The following PCDH9 variants were observed in gnomAD, a reference collection of about 807,000 sequenced individuals.
PCDH9 encodes the protein protocadherin-9.
Under a neutral mutation model 70.6 loss-of-function variants are expected in PCDH9, and 24 were observed. The ratio of observed to expected loss-of-function variants is 0.34; its 90% CI spans 0.25 to 0.48. The LOEUF (loss-of-function observed/expected upper bound fraction) is 0.48, where lower values mean the gene tolerates loss of function less well. PCDH9 is among the 20% of genes least tolerant of loss of function. The probability of loss-of-function intolerance (pLI) is 0.99; values close to 1 mark genes in which losing one functional copy is unlikely to be tolerated. For synonymous variants in PCDH9, 562 were observed against 558.5 expected (o/e 1.01, Z -0.09); for missense variants, 1,281 against 1,503.6 (o/e 0.85, Z 2.45).
intron 4 of PCDH9, among the ~76,000 whole-genome samples, chr13:66,587,663 C>A (rs2076981234): frequency 6.6e-6 from 1 of 151,954 alleles, no homozygotes; most frequent in African/African-American, 2.4e-5. Flanking sequence ...AAATACAGTA[C>A]TCTGTGTGTA....
intron 4 of PCDH9, among the ~76,000 whole-genome samples, chr13:66,526,014 C>G (rs1215523043): frequency 7.2e-5 from 11 of 152,104 alleles, no homozygotes; most frequent in Admixed American, 7.2e-4. Flanking sequence ...GGACATTGAT[C>G]TGATTCCCCC....
At chr13:66,315,348 T>C (rs1955632197) in intron 4 of PCDH9, among the ~76,000 whole-genome samples, 1 of 152,186 alleles carries the variant, frequency 6.6e-6, no homozygotes, top group African/African-American at 2.4e-5. Context: ...AGACAATAAA[T>C]TTGTGTTGCT....
chr13:66,614,026 C>T (rs183166587), intron 4 of PCDH9, among the ~76,000 whole-genome samples: 12 of 149,838 alleles, frequency 8.0e-5, no homozygotes, highest in African/African-American at 2.5e-4. Flanking sequence ...GTAACCACAC[C>T]GTAACTAAGA....
At chr13:66,609,070 A>T (rs1387052261) in intron 4 of PCDH9, among the ~76,000 whole-genome samples, 1 of 152,168 alleles carries the variant, frequency 6.6e-6, no homozygotes, top group Non-Finnish European at 1.5e-5. Flanking sequence ...TTAGAGGATA[A>T]TCATATTGTA....
In PCDH9 at chr13:66,440,067, A is replaced by C. The variant is rs2138398597; in HGVS notation, c.3341-135039T>G. On this transcript the variant is annotated intron_variant, in intron 4 of 4. Coordinates refer to ENST00000377865, the MANE Select transcript of PCDH9 (RefSeq NM_203487.3). ...CATCATATCAAGAGTAAAAACAATA[A>C]AGATCTTTAAACGTGACATAATCAA... is the stretch of plus-strand genomic sequence containing the variant. Among the ~76,000 whole-genome samples the C allele has an allele frequency of 2.0e-5, 3 of 152,286 alleles. No homozygotes were observed. In the East Asian group the frequency reaches 5.8e-4, roughly 29 times the overall value.
intron 4 of PCDH9, among the ~76,000 whole-genome samples, chr13:66,339,574 A>T (rs546685579): frequency 1.3e-5 from 2 of 152,178 alleles, no homozygotes; most frequent in African/African-American, 4.8e-5. Flanking sequence ...CTAGAATATA[A>T]TAAAACATTC....
chr13:67,106,432 G>C (rs1427241459), intron 2 of PCDH9, among the ~76,000 whole-genome samples: 1 of 152,202 alleles, frequency 6.6e-6, no homozygotes, highest in Non-Finnish European at 1.5e-5. Context: ...TGTAGCAAAG[G>C]ATTAAATCAT....
intron 2 of PCDH9, among the ~76,000 whole-genome samples, chr13:67,084,555 G>GT (rs1349094878): frequency 3.9e-5 from 6 of 152,024 alleles, no homozygotes; most frequent in Admixed American, 6.6e-5. Context: ...TAACCATTAA[G>GT]TTGCCTGGAC....
At chr13:67,059,927 G>T (rs1202646047) in intron 2 of PCDH9, among the ~76,000 whole-genome samples, 1 of 143,220 alleles carries the variant, frequency 7.0e-6, no homozygotes, top group Non-Finnish European at 1.5e-5. Flanking sequence ...TTCACTAGAT[G>T]CTCAAAAAGT....
At chr13:66,962,984 T>C (rs981406234) in intron 2 of PCDH9, among the ~76,000 whole-genome samples, 1 of 152,052 alleles carries the variant, frequency 6.6e-6, no homozygotes, top group Admixed American at 6.6e-5. Flanking sequence ...TGCAACTAGA[T>C]GGTCCTATCT....
At chr13:66,703,583 A>G (rs1391817170) in intron 3 of PCDH9, among the ~76,000 whole-genome samples, 1 of 152,088 alleles carries the variant, frequency 6.6e-6, no homozygotes, top group African/African-American at 2.4e-5. Context: ...TTTAATGGAC[A>G]GATAGATTAA....
intron 4 of PCDH9, among the ~76,000 whole-genome samples, chr13:66,619,501 G>T (rs2077397327): frequency 6.6e-6 from 1 of 151,956 alleles, no homozygotes; most frequent in Admixed American, 6.6e-5. Flanking sequence ...ATTCACCATG[G>T]TCATTTTTTA....
rs139607161 is a variant in PCDH9, at chr13:67,136,179, G to A, written c.3036+89226C>T. 1.5e-3 allele frequency among the ~76,000 whole-genome samples: 221 copies of A among 152,146 alleles called. 2 individuals are homozygous for A. The highest frequency in any genetic ancestry group is 5.0e-3 in the African/African-American group (207 of 41,540). ...TAGATACACAAGTACCTACCATTGC[G>A]TTATAATCGCCCATAGAATTCAGTA... On this transcript the variant is annotated intron_variant, in intron 2 of 4. Transcript: ENST00000377865.
chr13:66,481,940 ACG>A (rs1454670995), intron 4 of PCDH9, among the ~76,000 whole-genome samples: 21 of 128,860 alleles, frequency 1.6e-4, no homozygotes, highest in Non-Finnish European at 3.4e-4. Flanking sequence ...ATACACATGC[ACG>A]CACACACACA....
At chr13:66,345,584 T>C (rs1489947231) in intron 4 of PCDH9, among the ~76,000 whole-genome samples, 1 of 152,080 alleles carries the variant, frequency 6.6e-6, no homozygotes, top group African/African-American at 2.4e-5. Flanking sequence ...GATTAATCAG[T>C]TGCCTTTTTA....
Position 66,492,616 on chromosome 13 carries a change from G to T in PCDH9, c.3340+138594C>A, listed in dbSNP as rs76328583. On this transcript the variant is annotated intron_variant, in intron 4 of 4. Coordinates refer to ENST00000377865, the MANE Select transcript of PCDH9 (RefSeq NM_203487.3). ...TGATGCTGGGTTAGTAACAGTGTGA[G>T]CTGTCAGAAAAGATAGATGGCTTTG... Among the ~76,000 whole-genome samples, 293 of 151,958 alleles carry T rather than the reference G, an allele frequency of 1.9e-3. 6 individuals are homozygous for T. The East Asian group carries it at 0.051, about 26-fold the overall frequency.
chr13:67,008,326 C>G (rs1254834634), intron 2 of PCDH9, among the ~76,000 whole-genome samples: 1 of 152,014 alleles, frequency 6.6e-6, no homozygotes, highest in Non-Finnish European at 1.5e-5. Flanking sequence ...CATTTCTTTT[C>G]TATGTAAACA....
At chr13:67,082,133 C>T (rs1344463283) in intron 2 of PCDH9, among the ~76,000 whole-genome samples, 2 of 152,098 alleles carry the variant, frequency 1.3e-5, no homozygotes, top group Non-Finnish European at 2.9e-5. Flanking sequence ...ACCATCTTAG[C>T]AAATTTTTAA....
At chr13:66,338,859 T>C (rs775468967) in intron 4 of PCDH9, among the ~76,000 whole-genome samples, 3 of 142,346 alleles carry the variant, frequency 2.1e-5, no homozygotes, top group Non-Finnish European at 4.6e-5. Flanking sequence ...TCTGCAGAGA[T>C]GAAGTATTCT....
Sources: allele counts gnomAD v4.1 joint callset (sites outside exome capture counted in the v4.1 genomes callset), GRCh38; gene constraint gnomAD v4.1.1; transcripts MANE v1.5; gene names NCBI Gene and HGNC (gene_info 2026-07-23, HGNC 2026-07-21).